Variants in CTNS observed in about 807,000 individuals in gnomAD.
CTNS encodes the protein cystinosin.
A neutral mutation model predicts 43.7 loss-of-function variants in CTNS; 27 were observed. That is an observed-to-expected ratio of 0.62 (90% CI 0.46 to 0.85). The LOEUF (loss-of-function observed/expected upper bound fraction) is 0.85, where lower values mean the gene tolerates loss of function less well. Among genes scored for constraint, CTNS ranks in the 40% least tolerant of loss-of-function variants. CTNS has a pLI of 0.00. For synonymous variants in CTNS, 187 were observed against 190.6 expected, an observed-to-expected ratio of 0.98 and a Z score of 0.16; for missense variants, 457 against 475.4, an observed-to-expected ratio of 0.96 and a Z score of 0.36.
At position 3,650,841 on chromosome 17, in the gene CTNS, C is replaced by T. The variant is rs543970876; in HGVS notation, c.225+1910C>T. On this transcript the variant is annotated intron_variant, in intron 5 of 11. Transcript: ENST00000046640. ...GTTTAGAGACAGAGCTTCACTCTGT[C>T]GCCCAGGTTGGAGTAAAGTGGCGCA... is the stretch of plus-strand genomic sequence containing the variant. Among the ~76,000 whole-genome samples the T allele has an allele frequency of 1.5e-4, 23 of 152,222 alleles. 1 individual carries two copies. The highest frequency in any genetic ancestry group is 5.3e-4 in the African/African-American group (22 of 41,550).
Position 3,660,733 on chromosome 17 carries a change from G to A in CTNS, c.*364G>A. 6.2e-7 allele frequency: 1 copy of A among 1,613,444 alleles called. No homozygotes were observed. Among genetic ancestry groups the A allele is most frequent in the East Asian group, 2.2e-5 (1 of 44,878 alleles). ...GTTTCTGCAAGCAGCTTGAAGGGCT[G>A]ACCTTGCAGCCGGGTGAGCCAAGGG... On this transcript the variant is annotated 3_prime_UTR_variant, in exon 12 of 12. Coordinates refer to ENST00000046640, the MANE Select transcript of CTNS (RefSeq NM_004937.3).
Position 3,660,449 on chromosome 17 carries a change from G to T in CTNS, c.*80G>T. On this transcript the variant is annotated 3_prime_UTR_variant, in exon 12 of 12. Coordinates refer to ENST00000046640, the MANE Select transcript of CTNS (RefSeq NM_004937.3). Reference sequence around the variant, plus strand: ...CTCACCCAGCGAAGGCCGGAGAAGCGGTTGGGCCCTGGCACACAGGGCTGG... The same window carrying T: ...CTCACCCAGCGAAGGCCGGAGAAGCTGTTGGGCCCTGGCACACAGGGCTGG... 6.2e-7 allele frequency: 1 copy of T among 1,613,468 alleles called. No individual in the cohort carries two copies. The highest frequency in any genetic ancestry group is 8.5e-7 in the Non-Finnish European group (1 of 1,180,022).
At position 3,655,346 on chromosome 17, in the gene CTNS, G is replaced by A. The variant is rs780729618; in HGVS notation, c.455G>A (p.Arg152Gln). 1.7e-5 allele frequency: 28 copies of A among 1,613,960 alleles called. No homozygotes were observed. The East Asian group carries it at 1.8e-4, about 10-fold the overall frequency. Residue 152 changes from arginine (R) to glutamine (Q), a missense_variant, in exon 7 of 12, where the codon CGG becomes CAG. Coordinates refer to ENST00000046640, the MANE Select transcript of CTNS (RefSeq NM_004937.3). ...FYPQVIMNWR[R>Q]KSVIGLSFDF... ...CCTCAGGTGATCATGAATTGGAGGC[G>A]GAAAAGGTAACCCCCTGGGCCGTAT...
chr17:3,660,474 G>GCT lies in CTNS; in HGVS notation c.*107_*108dup. On this transcript the variant is annotated 3_prime_UTR_variant, in exon 12 of 12. Transcript: ENST00000046640. ...GGTTGGGCCCTGGCACACAGGGCTG[G>GCT]CTCAGTGTGCGGACAGAGGAGACCA... The GCT allele has an allele frequency of 1.2e-6, 2 of 1,612,936 alleles. No individual in the cohort carries two copies. The highest frequency in any genetic ancestry group is 1.7e-6 in the Non-Finnish European group (2 of 1,180,000).
At chr17:3,645,829 C>T (rs916797345) in intron 3 of CTNS, among the ~76,000 whole-genome samples, 29 of 148,014 alleles carry the variant, frequency 2.0e-4, no homozygotes, top group Non-Finnish European at 3.6e-4. Context: ...CACTGCACTC[C>T]AGCCTGGGCA....
At chr17:3,649,124 G>A (rs575275898) in intron 5 of CTNS, among the ~76,000 whole-genome samples, 193 bp downstream of exon 5, 2 of 152,174 alleles carry the variant, frequency 1.3e-5, no homozygotes, top group Non-Finnish European at 2.9e-5. Flanking sequence ...AGGTGATAGT[G>A]AGGAACCTGA....
At chr17:3,640,128 C>G (rs1286148869) in intron 2 of CTNS, 60 bp from the exon 3 acceptor site, 2 of 1,363,122 alleles carry the variant, frequency 1.5e-6, no homozygotes. Flanking sequence ...AGATTGTCTA[C>G]AGGGAGCTGA....
At chr17:3,641,403 T>TA (rs1411317814) in intron 3 of CTNS, among the ~76,000 whole-genome samples, 18 of 113,558 alleles carry the variant, frequency 1.6e-4, no homozygotes, top group Middle Eastern at 4.2e-3. Context: ...TTTTTTTTTT[T>TA]TTTTTTGAGA....
Position 3,647,405 on chromosome 17 carries a change from T to C in CTNS, c.62-39T>C, listed in dbSNP as rs2150904495. 3.8e-6 allele frequency: 6 copies of C among 1,576,250 alleles called. No homozygotes were observed. In the East Asian group the frequency reaches 1.3e-4, roughly 35 times the overall value. On this transcript the variant is annotated intron_variant, in intron 3 of 11. Transcript: ENST00000046640. Reference sequence around the variant, plus strand: ...AGTTTTCTGTCACAGGCCTGAACTCTGACCCAGTGCCTCATGTCATTGATT... The same window carrying C: ...AGTTTTCTGTCACAGGCCTGAACTCCGACCCAGTGCCTCATGTCATTGATT...
At chr17:3,656,846 C>T (rs761088992) in intron 9 of CTNS, 51 bp downstream of exon 9, 2 of 1,610,486 alleles carry the variant, frequency 1.2e-6, no homozygotes, top group South Asian at 2.2e-5. Context: ...CACCCGCCAC[C>T]CCACCTCACC....
At chr17:3,641,385 T>TATATATATATATA (rs57286057) in intron 3 of CTNS, among the ~76,000 whole-genome samples, 31 of 42,040 alleles carry the variant, frequency 7.4e-4, no homozygotes, top group South Asian at 2.0e-3. Context: ...TATATATATA[T>TATATATATATATA]TTTTTTTTTT....
intron 3 of CTNS, 76 bp downstream of exon 3, chr17:3,640,343 G>T: frequency 1.4e-6 from 2 of 1,432,802 alleles, no homozygotes; most frequent in South Asian, 1.1e-5. Context: ...TGATCTGTTT[G>T]TTGCCAAGGG....
rs2142989433 is a variant in CTNS, at chr17:3,662,588, G to A, written c.*2219G>A. 6.6e-6 allele frequency among the ~76,000 whole-genome samples: 1 copy of A among 152,284 alleles called. No individual in the cohort carries two copies. Among genetic ancestry groups the A allele is most frequent in the East Asian group, 1.9e-4 (1 of 5,170 alleles). ...CGGCCCCTCCCAGGTGGGAGCTGAG[G>A]CTAGGTTGCAAAAAGGAGGTTGGGA... On this transcript the variant is annotated 3_prime_UTR_variant, in exon 12 of 12. Coordinates refer to ENST00000046640, the MANE Select transcript of CTNS (RefSeq NM_004937.3).
chr17:3,658,067 A>G lies in CTNS; in HGVS notation c.744A>G (p.Ala248=), dbSNP rs767702551. The G allele has an allele frequency of 9.9e-6, 16 of 1,611,932 alleles. No individual in the cohort carries two copies. In the South Asian group the frequency reaches 1.2e-4, roughly 12 times the overall value. The change falls in exon 10 of 12, where the codon GCA becomes GCG. Residue 248 remains alanine (A), a synonymous_variant. Coordinates refer to ENST00000046640, the MANE Select transcript of CTNS (RefSeq NM_004937.3). ...IGFLVLAWLF[A]FVTMIVAAVG... Reference sequence around the variant, plus strand: ...TCCTGGTGCTCGCGTGGCTCTTCGCATTTGTCACCATGATCGTGGCTGCAG... The same window carrying G: ...TCCTGGTGCTCGCGTGGCTCTTCGCGTTTGTCACCATGATCGTGGCTGCAG...
At chr17:3,659,359 AGAC>A (rs1445184702) in intron 10 of CTNS, among the ~76,000 whole-genome samples, 1 of 152,190 alleles carries the variant, frequency 6.6e-6, no homozygotes, top group Admixed American at 6.5e-5. Context: ...CCCGCTCTAC[AGAC>A]GGGGAAACCA....
intron 3 of CTNS, among the ~76,000 whole-genome samples, chr17:3,643,799 T>A (rs2075777675): frequency 6.6e-6 from 1 of 152,168 alleles, no homozygotes; most frequent in South Asian, 2.1e-4. Flanking sequence ...ACTCCTGACC[T>A]CAAGTGATCT....
In CTNS at chr17:3,661,802, G is replaced by T. The variant is rs1356222061; in HGVS notation, c.*1433G>T. On this transcript the variant is annotated 3_prime_UTR_variant, in exon 12 of 12. Coordinates refer to ENST00000046640, the MANE Select transcript of CTNS (RefSeq NM_004937.3). ...CTGGATGTGAGCCGGGGTGGATGAG[G>T]TTCTGAAGGGCACACCAGCACTGGG... 6.6e-6 allele frequency among the ~76,000 whole-genome samples: 1 copy of T among 152,202 alleles called. No individual in the cohort carries two copies. The highest frequency in any genetic ancestry group is 2.4e-5 in the African/African-American group (1 of 41,456).
Position 3,640,351 on chromosome 17 carries a change from G to A in CTNS, c.61+84G>A. 2.1e-6 allele frequency: 3 copies of A among 1,413,040 alleles called. No individual in the cohort carries two copies. The South Asian group carries it at 3.5e-5, about 16-fold the overall frequency. The allele number at this position is 1,413,040 out of a possible 1,614,324, so 87.5% of individuals were successfully genotyped here. On this transcript the variant is annotated intron_variant, in intron 3 of 11. Coordinates refer to ENST00000046640, the MANE Select transcript of CTNS (RefSeq NM_004937.3). ...AGTAATCTGATCTGTTTGTTGCCAA[G>A]GGTTTAGAATCATTCAGACCACATG...
chr17:3,660,182 C>G, intron 11 of CTNS, 54 bp from the exon 12 acceptor site: 1 of 1,611,744 alleles, frequency 6.2e-7, no homozygotes, highest in Non-Finnish European at 8.5e-7. Context: ...CAAGCTCCAG[C>G]TGCCTCAGGA....
Sources: allele counts gnomAD v4.1 joint callset (sites outside exome capture counted in the v4.1 genomes callset), GRCh38; gene constraint gnomAD v4.1.1; transcripts MANE v1.5; gene names NCBI Gene and HGNC (gene_info 2026-07-23, HGNC 2026-07-21).